Variants in LONP2 observed in about 807,000 individuals in gnomAD.
LONP2 encodes the protein lon protease homolog 2, peroxisomal.
Under a neutral mutation model 85.6 loss-of-function variants are expected in LONP2, and 60 were observed. That is an observed-to-expected ratio of 0.70 (90% CI 0.57 to 0.87). LONP2 has a LOEUF of 0.87. Ranked by LOEUF, LONP2 falls within the 40% of genes least tolerant of loss-of-function variation. The pLI, the probability that LONP2 is intolerant of heterozygous loss-of-function variation, is 0.00. For missense variants in LONP2, 860 were observed against 1,063.5 expected (o/e 0.81, Z 2.66); for synonymous variants, 395 against 389.7 (o/e 1.01, Z -0.16).
Position 48,354,712 on chromosome 16 carries a change from G to A in LONP2, c.*2910G>A, listed in dbSNP as rs1421849641. On this transcript the variant is annotated 3_prime_UTR_variant, in exon 15 of 15. Coordinates refer to ENST00000285737, the MANE Select transcript of LONP2 (RefSeq NM_031490.5). ...CCATCAACTGCTCGAACAGTCACTGGGGCAACTACTTTTCGCCCAGTGTCC... is the reference window on the plus strand; with the variant it reads ...CCATCAACTGCTCGAACAGTCACTGAGGCAACTACTTTTCGCCCAGTGTCC... The A allele has an allele frequency of 6.6e-6, 1 of 152,096 alleles. No homozygotes were observed. Among genetic ancestry groups the A allele is most frequent in the Non-Finnish European group, 1.5e-5 (1 of 68,018 alleles). 9.4% of individuals were successfully genotyped at this position (152,096 alleles called of 1,614,324 possible).
In LONP2 at chr16:48,355,430, C is replaced by T. The variant is rs528057759; in HGVS notation, c.*3628C>T. On this transcript the variant is annotated 3_prime_UTR_variant, in exon 15 of 15. Coordinates refer to ENST00000285737, the MANE Select transcript of LONP2 (RefSeq NM_031490.5). ...GAGACTGGGCCCTCAATAGATGATACCAGTCTGCCAGCACGCTGATCGTGG... is the reference window on the plus strand; with the variant it reads ...GAGACTGGGCCCTCAATAGATGATATCAGTCTGCCAGCACGCTGATCGTGG... 13 of 152,288 alleles carry T rather than the reference C, an allele frequency of 8.5e-5. No homozygotes were observed. The highest frequency in any genetic ancestry group is 2.6e-4 in the African/African-American group (11 of 41,572). The allele number at this position is 152,288 out of a possible 1,614,324, so 9.4% of individuals were successfully genotyped here.
chr16:48,349,521 G>T (rs1262734570), intron 14 of LONP2, among the ~76,000 whole-genome samples: 1 of 152,162 alleles, frequency 6.6e-6, no homozygotes, highest in Non-Finnish European at 1.5e-5. Context: ...CCAAGTAAAG[G>T]CTTCTGCAGC....
chr16:48,260,089 A>C (rs1325979060), intron 4 of LONP2, among the ~76,000 whole-genome samples: 1 of 152,188 alleles, frequency 6.6e-6, no homozygotes, highest in Non-Finnish European at 1.5e-5. Context: ...TTAACAATGA[A>C]ATCACTGATA....
At chr16:48,271,621 G>T (rs1021456610) in intron 7 of LONP2, among the ~76,000 whole-genome samples, 1 of 152,122 alleles carries the variant, frequency 6.6e-6, no homozygotes, top group Admixed American at 6.6e-5. Context: ...AGTAGCTCAT[G>T]CCTGTAATCC....
chr16:48,345,651 C>T (rs1474537669), intron 12 of LONP2: 1 of 152,216 alleles, frequency 6.6e-6, no homozygotes, highest in Admixed American at 6.5e-5. Flanking sequence ...ACCTGAGGTA[C>T]ATGCTGTCAG....
At chr16:48,296,600 G>A (rs1490112081) in intron 9 of LONP2, among the ~76,000 whole-genome samples, 3 of 151,644 alleles carry the variant, frequency 2.0e-5, no homozygotes, top group East Asian at 1.9e-4. Context: ...GGTGGCGGGC[G>A]CCTGTAGTCC....
chr16:48,329,486 G>A (rs2151021311), intron 11 of LONP2, among the ~76,000 whole-genome samples: 1 of 152,298 alleles, frequency 6.6e-6, no homozygotes, highest in East Asian at 1.9e-4. Flanking sequence ...CCAAAGCCAA[G>A]AGCAGTGATG....
intron 6 of LONP2, among the ~76,000 whole-genome samples, chr16:48,267,440 C>T (rs910621141): frequency 3.3e-5 from 5 of 152,198 alleles, no homozygotes; most frequent in African/African-American, 1.2e-4. Context: ...GCTGGGATTA[C>T]AGGCGCTTGC....
chr16:48,356,813 A>G lies in LONP2; in HGVS notation c.*5011A>G. The G allele has an allele frequency of 4.0e-6, 1 of 250,746 alleles. No homozygotes were observed. Among genetic ancestry groups the G allele is most frequent in the South Asian group, 4.3e-5 (1 of 23,518 alleles). 15.5% of individuals were successfully genotyped at this position (250,746 alleles called of 1,614,324 possible). On this transcript the variant is annotated 3_prime_UTR_variant, in exon 15 of 15. Coordinates refer to ENST00000285737, the MANE Select transcript of LONP2 (RefSeq NM_031490.5). ...AAATTCATTTCTTTGGAAATACTGT[A>G]GTTTGTACTTAATGACACTGTCAGC... is the stretch of plus-strand genomic sequence containing the variant.
intron 11 of LONP2, among the ~76,000 whole-genome samples, chr16:48,328,675 CAAA>C (rs964534755): frequency 3.0e-5 from 2 of 67,660 alleles, no homozygotes; most frequent in Non-Finnish European, 6.1e-5. Flanking sequence ...GACTCCGTCT[CAAA>C]AAAAAAAAAA....
intron 6 of LONP2, among the ~76,000 whole-genome samples, chr16:48,263,424 CAT>C (rs2150970948): frequency 6.6e-6 from 1 of 152,316 alleles, no homozygotes; most frequent in Admixed American, 6.5e-5. Flanking sequence ...ATTCCACATG[CAT>C]TAAATAGGTG....
intron 1 of LONP2, among the ~76,000 whole-genome samples, chr16:48,245,082 C>T (rs949267673): frequency 6.6e-6 from 1 of 152,180 alleles, no homozygotes; most frequent in Non-Finnish European, 1.5e-5. Context: ...CTGAGGCATT[C>T]TCTGCTCCGT....
chr16:48,322,230 A>G (rs1342273341), intron 11 of LONP2, among the ~76,000 whole-genome samples: 1 of 152,156 alleles, frequency 6.6e-6, no homozygotes, highest in Non-Finnish European at 1.5e-5. Flanking sequence ...TTTATATCCT[A>G]CTGCTCAAGG....
chr16:48,285,914 G>C (rs1006923496), intron 8 of LONP2, among the ~76,000 whole-genome samples: 4 of 152,070 alleles, frequency 2.6e-5, no homozygotes, highest in Admixed American at 2.0e-4. Context: ...TAAAGTGAAG[G>C]TGTATACTCA....
Position 48,256,662 on chromosome 16 carries a change from T to A in LONP2, c.521T>A (p.Leu174His), listed in dbSNP as rs769356093. 2.5e-6 allele frequency: 4 copies of A among 1,613,802 alleles called. No homozygotes were observed. Among genetic ancestry groups the A allele is most frequent in the Non-Finnish European group, 3.4e-6 (4 of 1,179,730 alleles). The change falls in exon 3 of 15, where the codon CTT becomes CAT. Residue 174 changes from leucine to histidine, a missense_variant. Leu to His is a moderately conservative substitution (Grantham distance 99). Transcript: ENST00000285737. The part of the protein sequence containing the change: ...SVPAVAKLRR[L>H]LDSLPREALP... ...CCTGCAGTTGCTAAATTGAGACGTC[T>A]TTTAGATAGTCTTCCAAGGGAAGCT...
downstream of LONP2, chr16:48,361,712 A>C (rs746701433): frequency 7.4e-6 from 12 of 1,614,066 alleles, no homozygotes; most frequent in Non-Finnish European, 1.0e-5. Flanking sequence ...TAGATCGAGG[A>C]GTCGCTTCCC....
At chr16:48,264,864 G>T (rs1008442067) in intron 6 of LONP2, among the ~76,000 whole-genome samples, 6 of 152,124 alleles carry the variant, frequency 3.9e-5, no homozygotes, top group African/African-American at 1.4e-4. Context: ...CTGACTTCCC[G>T]CAACACGCTG....
intron 12 of LONP2, among the ~76,000 whole-genome samples, chr16:48,340,951 T>C (rs1959791203): frequency 6.6e-6 from 1 of 151,808 alleles, no homozygotes; most frequent in Admixed American, 6.6e-5. Flanking sequence ...ACTGGGTAAT[T>C]TATAAAGAAA....
Position 48,351,999 on chromosome 16 carries a change from C to G in LONP2, c.*197C>G, listed in dbSNP as rs570423919. On this transcript the variant is annotated 3_prime_UTR_variant, in exon 15 of 15. Transcript: ENST00000285737. The stretch of plus-strand genomic sequence containing the variant: ...GTTGATTTAGTAAACTGATAAAAAT[C>G]GAATTCTTGTCTTTTTAGTGGGATC... 2.7e-5 allele frequency: 16 copies of G among 588,214 alleles called. No individual in the cohort carries two copies. The highest frequency in any genetic ancestry group is 2.5e-4 in the East Asian group (9 of 35,622). 36.4% of individuals were successfully genotyped at this position (588,214 alleles called of 1,614,324 possible).
Sources: allele counts gnomAD v4.1 joint callset (sites outside exome capture counted in the v4.1 genomes callset), GRCh38; gene constraint gnomAD v4.1.1; transcripts MANE v1.5; gene names NCBI Gene and HGNC (gene_info 2026-07-23, HGNC 2026-07-21).